Variants in LRRC8C observed in about 807,000 individuals in gnomAD.
The protein encoded by LRRC8C is leucine rich repeat containing 8 VRAC subunit C, also known as volume-regulated anion channel subunit LRRC8C.
A neutral mutation model predicts 55.3 loss-of-function variants in LRRC8C; 20 were observed. That is an observed-to-expected ratio of 0.36 (90% CI 0.25 to 0.53). The LOEUF is 0.53. LRRC8C is among the 20% of genes least tolerant of loss of function. The probability of loss-of-function intolerance (pLI) is 0.92; values close to 1 mark genes in which losing one functional copy is unlikely to be tolerated. For synonymous variants in LRRC8C, 376 were observed against 360.7 expected, an observed-to-expected ratio of 1.04 and a Z score of -0.48; for missense variants, 659 against 951.4, an observed-to-expected ratio of 0.69 and a Z score of 4.04.
intron 1 of LRRC8C, among the ~76,000 whole-genome samples, chr1:89,672,443 A>G (rs1425348755): frequency 6.6e-6 from 1 of 152,218 alleles, no homozygotes; most frequent in Admixed American, 6.5e-5. Flanking sequence ...TAACGAGCTC[A>G]ATACCTTGCA....
intron 1 of LRRC8C, among the ~76,000 whole-genome samples, chr1:89,681,960 G>A (rs1003685881): frequency 9.9e-5 from 15 of 152,156 alleles, no homozygotes; most frequent in African/African-American, 3.6e-4. Flanking sequence ...AGCAGATCAC[G>A]AGGTCAGGAG....
intron 1 of LRRC8C, among the ~76,000 whole-genome samples, chr1:89,645,419 G>A (rs1013616241): frequency 2.0e-5 from 3 of 151,642 alleles, no homozygotes; most frequent in Non-Finnish European, 4.4e-5. Context: ...AGAGAAGAGA[G>A]GAAAAAATGG....
intron 1 of LRRC8C, among the ~76,000 whole-genome samples, chr1:89,682,133 C>T (rs1045571236): frequency 6.6e-6 from 1 of 152,082 alleles, no homozygotes; most frequent in Non-Finnish European, 1.5e-5. Flanking sequence ...GCCGAGATCG[C>T]GCCATTGCAC....
At chr1:89,687,789 G>T (rs182691176) in intron 2 of LRRC8C, among the ~76,000 whole-genome samples, 6 of 152,164 alleles carry the variant, frequency 3.9e-5, no homozygotes, top group African/African-American at 1.4e-4. Flanking sequence ...GGAAATCAAC[G>T]TATTATAGAA....
At chr1:89,647,147 A>G (rs142958032) in intron 1 of LRRC8C, among the ~76,000 whole-genome samples, 91 of 152,336 alleles carry the variant, frequency 6.0e-4, no homozygotes, top group African/African-American at 2.1e-3. Flanking sequence ...TAAGGAACAA[A>G]TCAATTAAAA....
intron 1 of LRRC8C, among the ~76,000 whole-genome samples, chr1:89,658,177 G>GT (rs1657004739): frequency 6.6e-6 from 1 of 152,150 alleles, no homozygotes; most frequent in African/African-American, 2.4e-5. Flanking sequence ...TATTGGAGTT[G>GT]TTTGAGTCTC....
intron 1 of LRRC8C, among the ~76,000 whole-genome samples, chr1:89,648,300 G>A (rs188295538): frequency 1.1e-4 from 16 of 152,034 alleles, no homozygotes; most frequent in Admixed American, 5.9e-4. Context: ...ATTACTGTTC[G>A]TATTCAAAGC....
intron 2 of LRRC8C, among the ~76,000 whole-genome samples, chr1:89,701,361 A>G (rs1658317534): frequency 6.6e-6 from 1 of 151,994 alleles, no homozygotes; most frequent in African/African-American, 2.4e-5. Context: ...CTGTAGTCCC[A>G]GCTACTTGGG....
At position 89,708,075 on chromosome 1, in the gene LRRC8C, AT is replaced by A. The variant is rs924935591; in HGVS notation, c.139-4627del. ...GGATGAGGTTCTCTTGTTCATTTTG[AT>A]TTTTTTCTTCACTTCTCCCCCCAGT... On this transcript the variant is annotated intron_variant, in intron 2 of 2. Transcript: ENST00000370454. Among the ~76,000 whole-genome samples, 84 of 151,538 alleles carry A rather than the reference AT, an allele frequency of 5.5e-4. 1 individual carries two copies. Among genetic ancestry groups the A allele is most frequent in the African/African-American group, 1.8e-3 (76 of 41,194 alleles).
At position 89,717,104 on chromosome 1, in the gene LRRC8C, C is replaced by T. The variant is rs1281228138; in HGVS notation, c.*2122C>T. 2 of 152,032 alleles carry T rather than the reference C, an allele frequency of 1.3e-5. No individual in the cohort carries two copies. The highest frequency in any genetic ancestry group is 4.8e-5 in the African/African-American group (2 of 41,384). The allele number at this position is 152,032 out of a possible 1,614,324, so 9.4% of individuals were successfully genotyped here. On this transcript the variant is annotated 3_prime_UTR_variant, in exon 3 of 3. Transcript: ENST00000370454. ...TTCAATTTCAGAATAGTGTTGGAAT[C>T]CTGAGTTTGAATAATGTGTTGTATT...
the LRRC8C span, among the ~76,000 whole-genome samples, chr1:89,620,826 T>A: frequency 1.6e-4 from 24 of 152,230 alleles, no homozygotes; most frequent in Non-Finnish European, 1.2e-4. Flanking sequence ...CACTCAACTC[T>A]GTTCTTCAGG....
Position 89,715,073 on chromosome 1 carries a change from T to G in LRRC8C, c.*91T>G. On this transcript the variant is annotated 3_prime_UTR_variant, in exon 3 of 3. Transcript: ENST00000370454. Reference sequence around the variant, plus strand: ...TCTTAATGCCTTTCCTATTTTTTTTTCCTTTTCACACAAAATGTACACAAA... The same window carrying G: ...TCTTAATGCCTTTCCTATTTTTTTTGCCTTTTCACACAAAATGTACACAAA... The G allele has an allele frequency of 1.3e-6, 1 of 772,492 alleles. No individual in the cohort carries two copies. Among genetic ancestry groups the G allele is most frequent in the Non-Finnish European group, 1.9e-6 (1 of 516,672 alleles). The allele number at this position is 772,492 out of a possible 1,614,324, so 47.9% of individuals were successfully genotyped here. A position where few individuals can be genotyped will look rare whatever the true frequency, so the allele number is the denominator to read the frequency against.
At chr1:89,617,994 G>T in the LRRC8C span, among the ~76,000 whole-genome samples, 1 of 152,130 alleles carries the variant, frequency 6.6e-6, no homozygotes, top group Non-Finnish European at 1.5e-5. Flanking sequence ...CAATCAGGAA[G>T]CTCCCCTGAG....
At chr1:89,626,902 T>C in the LRRC8C span, 1 of 151,232 alleles carries the variant, frequency 6.6e-6, no homozygotes, top group African/African-American at 2.4e-5. Context: ...CCAGTTCCTC[T>C]ACACTCCCAA....
intron 1 of LRRC8C, among the ~76,000 whole-genome samples, chr1:89,653,952 A>G (rs1656864255): frequency 6.6e-6 from 1 of 152,214 alleles, no homozygotes; most frequent in Non-Finnish European, 1.5e-5. Flanking sequence ...TTGCAGCATC[A>G]TTCGTAACAG....
intron 1 of LRRC8C, among the ~76,000 whole-genome samples, chr1:89,658,619 A>C (rs897906450): frequency 6.6e-6 from 1 of 152,224 alleles, no homozygotes; most frequent in African/African-American, 2.4e-5. Flanking sequence ...TATGAACAGG[A>C]TTTAGGAAAT....
In LRRC8C at chr1:89,716,720, C is replaced by T. The variant is rs889335230; in HGVS notation, c.*1738C>T. The T allele has an allele frequency of 6.6e-6, 1 of 152,152 alleles. No individual in the cohort carries two copies. The highest frequency in any genetic ancestry group is 1.5e-5 in the Non-Finnish European group (1 of 68,026). 9.4% of individuals were successfully genotyped at this position (152,152 alleles called of 1,614,324 possible). ...AGACTGATCGTAGTAAGTTTTGTGA[C>T]TTAACAATGAAAGAAAGTAGAAAGA... is the stretch of plus-strand genomic sequence containing the variant. On this transcript the variant is annotated 3_prime_UTR_variant, in exon 3 of 3. Coordinates refer to ENST00000370454, the MANE Select transcript of LRRC8C (RefSeq NM_032270.5).
chr1:89,694,428 C>G (rs979946162), intron 2 of LRRC8C, among the ~76,000 whole-genome samples: 11 of 152,110 alleles, frequency 7.2e-5, no homozygotes, highest in Middle Eastern at 3.4e-3. Flanking sequence ...CAAGGACTTT[C>G]AGCTCTGCTT....
chr1:89,711,827 A>G (rs1037712758), intron 2 of LRRC8C, among the ~76,000 whole-genome samples: 1 of 152,256 alleles, frequency 6.6e-6, no homozygotes, highest in South Asian at 2.1e-4. Context: ...ACTGTTGAAC[A>G]CTTCTGTATT....
Sources: allele counts gnomAD v4.1 joint callset (sites outside exome capture counted in the v4.1 genomes callset), GRCh38; gene constraint gnomAD v4.1.1; transcripts MANE v1.5; gene names NCBI Gene and HGNC (gene_info 2026-07-23, HGNC 2026-07-21).